Variants in MDGA2 observed in about 807,000 individuals in gnomAD.
MDGA2 encodes MAM domain containing glycosylphosphatidylinositol anchor 2, also known as MAM domain-containing glycosylphosphatidylinositol anchor protein 2.
Under a neutral mutation model 117.8 loss-of-function variants are expected in MDGA2, and 40 were observed. That is an observed-to-expected ratio of 0.34 (90% confidence interval 0.26 to 0.44). The LOEUF is 0.44. MDGA2 is among the 20% of genes least tolerant of loss of function. MDGA2 has a pLI of 1.00. For synonymous variants in MDGA2, 452 were observed against 439.0 expected (o/e 1.03, Z -0.37); for missense variants, 1,123 against 1,250.6 (o/e 0.90, Z 1.54).
chr14:46,979,161 T>C (rs1056097012), intron 8 of MDGA2, among the ~76,000 whole-genome samples: 1 of 152,116 alleles, frequency 6.6e-6, no homozygotes, highest in Non-Finnish European at 1.5e-5. Flanking sequence ...GTAACCTTTT[T>C]TTCAGTGATC....
chr14:46,981,620 T>G (rs1480009454), intron 8 of MDGA2, among the ~76,000 whole-genome samples: 3 of 152,110 alleles, frequency 2.0e-5, no homozygotes, highest in African/African-American at 7.2e-5. Context: ...AAGTGGTAGG[T>G]GTGAAAAGAG....
rs1292049869 is a variant in MDGA2, at chr14:47,636,057, A to T, written c.280+38460T>A. Among the ~76,000 whole-genome samples, 13 of 152,202 alleles carry T rather than the reference A, an allele frequency of 8.5e-5. 1 individual carries two copies. The highest frequency in any genetic ancestry group is 3.4e-3 in the Middle Eastern group (1 of 294). ...TAAGAAGCAGCAGGATAAATCGGAAATTTTTTTCAAAAAGCTACTTAGGGA... is the reference window on the plus strand; with the variant it reads ...TAAGAAGCAGCAGGATAAATCGGAATTTTTTTTCAAAAAGCTACTTAGGGA... On this transcript the variant is annotated intron_variant, in intron 1 of 16. Transcript: ENST00000399232.
chr14:46,939,154 G>A (rs908680593), intron 9 of MDGA2, among the ~76,000 whole-genome samples: 27 of 151,968 alleles, frequency 1.8e-4, no homozygotes, highest in African/African-American at 6.3e-4. Flanking sequence ...ATTTTTGAGA[G>A]AATACAAAAT....
chr14:46,868,519 A>C (rs182012924), intron 14 of MDGA2, among the ~76,000 whole-genome samples: 1 of 151,974 alleles, frequency 6.6e-6, no homozygotes, highest in Non-Finnish European at 1.5e-5. Context: ...CTATGAAGCT[A>C]CCCCAAGGAA....
intron 1 of MDGA2, among the ~76,000 whole-genome samples, chr14:47,367,156 A>G (rs558386582): frequency 1.3e-5 from 2 of 152,334 alleles, no homozygotes; most frequent in East Asian, 3.9e-4. Context: ...TATGATAAAC[A>G]GTTAAAATAT....
intron 3 of MDGA2, among the ~76,000 whole-genome samples, chr14:47,157,053 C>A (rs1438872027): frequency 2.0e-5 from 3 of 152,068 alleles, no homozygotes; most frequent in African/African-American, 7.2e-5. Context: ...TAATTAAGAA[C>A]AAAGCATCAA....
chr14:47,296,715 C>T (rs148493181), intron 2 of MDGA2, among the ~76,000 whole-genome samples: 176 of 152,334 alleles, frequency 1.2e-3, no homozygotes, highest in Middle Eastern at 3.4e-3. Flanking sequence ...AACTATGCTA[C>T]AGCAATGCTA....
intron 3 of MDGA2, among the ~76,000 whole-genome samples, chr14:47,145,561 A>T (rs981832265): frequency 6.6e-6 from 1 of 152,174 alleles, no homozygotes; most frequent in Non-Finnish European, 1.5e-5. Flanking sequence ...TTTAAGTATG[A>T]TGCAAAACCT....
chr14:47,659,438 G>A (rs1897805224), intron 1 of MDGA2, among the ~76,000 whole-genome samples: 1 of 152,154 alleles, frequency 6.6e-6, no homozygotes, highest in Non-Finnish European at 1.5e-5. Flanking sequence ...AACAAACTTA[G>A]AAATATCTTA....
intron 1 of MDGA2, among the ~76,000 whole-genome samples, chr14:47,489,393 A>G (rs1266859366): frequency 6.6e-6 from 1 of 152,052 alleles, no homozygotes; most frequent in South Asian, 2.1e-4. Flanking sequence ...ATCCCTGAAC[A>G]TCGTACTCAA....
chr14:47,513,495 ATG>A (rs1229365375), intron 1 of MDGA2, among the ~76,000 whole-genome samples: 1 of 152,074 alleles, frequency 6.6e-6, no homozygotes, highest in Non-Finnish European at 1.5e-5. Context: ...GGAAGAATGA[ATG>A]GGTAAATGAG....
At chr14:46,899,085 G>A (rs1257328935) in intron 10 of MDGA2, among the ~76,000 whole-genome samples, 4 of 151,932 alleles carry the variant, frequency 2.6e-5, no homozygotes, top group Non-Finnish European at 5.9e-5. Flanking sequence ...ACAGGAAATA[G>A]GTTGGCATAT....
At chr14:46,970,480 G>A (rs1225203141) in intron 8 of MDGA2, among the ~76,000 whole-genome samples, 1 of 152,068 alleles carries the variant, frequency 6.6e-6, no homozygotes, top group Non-Finnish European at 1.5e-5. Context: ...ATGGTGCTGG[G>A]AAAACTGAAT....
At chr14:47,052,864 C>T (rs1290422398) in intron 7 of MDGA2, among the ~76,000 whole-genome samples, 1 of 151,746 alleles carries the variant, frequency 6.6e-6, no homozygotes, top group African/African-American at 2.4e-5. Context: ...CTTATCTTGA[C>T]CTTCCCATTT....
At chr14:47,200,833 C>CA in intron 3 of MDGA2, 1 of 811,318 alleles carries the variant, frequency 1.2e-6, no homozygotes, top group Admixed American at 1.8e-5. Context: ...CAGGAGCCAC[C>CA]ATCCATTTTT....
intron 5 of MDGA2, among the ~76,000 whole-genome samples, chr14:47,098,845 T>A (rs895397265): frequency 9.9e-5 from 15 of 152,124 alleles, no homozygotes; most frequent in African/African-American, 3.6e-4. Context: ...ATGGTGACAT[T>A]AAGTCCGGGA....
At chr14:47,396,974 A>T (rs1892025492) in intron 1 of MDGA2, among the ~76,000 whole-genome samples, 1 of 152,192 alleles carries the variant, frequency 6.6e-6, no homozygotes, top group Non-Finnish European at 1.5e-5. Context: ...CAGCAATCCC[A>T]TTACTGGGTA....
At chr14:47,176,398 C>G (rs1478024354) in intron 3 of MDGA2, among the ~76,000 whole-genome samples, 5 of 152,174 alleles carry the variant, frequency 3.3e-5, no homozygotes, top group Admixed American at 1.3e-4. Context: ...TGACCTCAAA[C>G]TATACTACAA....
intron 1 of MDGA2, among the ~76,000 whole-genome samples, chr14:47,439,009 A>T (rs542000753): frequency 6.3e-4 from 96 of 152,208 alleles, no homozygotes; most frequent in African/African-American, 1.9e-3. Flanking sequence ...AAATAGGCTG[A>T]CTCACTAGCA....
Sources: allele counts gnomAD v4.1 joint callset (sites outside exome capture counted in the v4.1 genomes callset), GRCh38; gene constraint gnomAD v4.1.1; transcripts MANE v1.5; gene names NCBI Gene and HGNC (gene_info 2026-07-23, HGNC 2026-07-21).